Variants in GPR55 observed in about 807,000 individuals in gnomAD.
The protein encoded by GPR55 is G protein-coupled receptor 55.
In GPR55, 6 loss-of-function variants were observed where a neutral mutation model predicts 7.9. That is an observed-to-expected ratio of 0.76 (90% CI 0.41 to 1.49). The LOEUF (loss-of-function observed/expected upper bound fraction) is 1.49. Among genes scored for constraint, GPR55 ranks in the 40% most tolerant of loss-of-function variants. GPR55 has a pLI of 0.01. For synonymous variants in GPR55, 183 were observed against 166.8 expected (o/e 1.10, Z -0.75); for missense variants, 376 against 406.0 (o/e 0.93, Z 0.63).
upstream of GPR55, chr2:230,928,524 G>A (rs1690979092): frequency 6.6e-6 from 1 of 152,202 alleles, no homozygotes; most frequent in Admixed American, 6.5e-5. Context: ...CAGTGGTGGT[G>A]AAGACAGATG....
In GPR55 at chr2:230,944,450, G is replaced by A. The variant is rs553998027; in HGVS notation, c.-135+16325C>T. 2.6e-4 allele frequency among the ~76,000 whole-genome samples: 39 copies of A among 152,176 alleles called. 1 individual carries two copies. The highest frequency in any genetic ancestry group is 4.6e-4 in the Non-Finnish European group (31 of 68,022). On this transcript the variant is annotated intron_variant, in intron 1 of 1. Coordinates refer to the GPR55 transcript ENST00000392039. This position sits in a 1 kb window ranked among gnomAD's most constrained non-coding sequence, Gnocchi z 4.2. Reference sequence around the variant, plus strand: ...GCCTGTGGAGGGAGGTGGAGGAGCCGTGGTTTCCAGTAACCATCGCTGGTT... The same window carrying A: ...GCCTGTGGAGGGAGGTGGAGGAGCCATGGTTTCCAGTAACCATCGCTGGTT...
At chr2:230,928,865 G>A (rs1690986678), upstream of GPR55, among the ~76,000 whole-genome samples, 3 of 152,126 alleles carry the variant, frequency 2.0e-5, no homozygotes, top group African/African-American at 7.2e-5. Context: ...AACCCTCCAG[G>A]TGCGGCCTGG....
chr2:230,911,605 T>C (rs1244113204), intron 1 of GPR55, among the ~76,000 whole-genome samples: 1 of 152,190 alleles, frequency 6.6e-6, no homozygotes, highest in Non-Finnish European at 1.5e-5. Flanking sequence ...AACACAACTT[T>C]TGCTTGGGTT....
chr2:230,922,306 T>C (rs3098323), intron 1 of GPR55, among the ~76,000 whole-genome samples: 3 of 151,816 alleles, frequency 2.0e-5, no homozygotes, highest in Non-Finnish European at 2.9e-5. Flanking sequence ...TGCTTGGGGG[T>C]TTCCGTCTCA....
chr2:230,916,133 G>A (rs1690708452), intron 1 of GPR55, among the ~76,000 whole-genome samples: 1 of 151,998 alleles, frequency 6.6e-6, no homozygotes, highest in Non-Finnish European at 1.5e-5. Flanking sequence ...CAGCACTTTG[G>A]GAGGCCAAGG....
At chr2:230,943,106 A>AAGAG (rs1213037596) in intron 1 of GPR55, among the ~76,000 whole-genome samples, 5 of 142,860 alleles carry the variant, frequency 3.5e-5, no homozygotes. Flanking sequence ...AGAGGAGAGA[A>AAGAG]AGAGAGAGAG....
chr2:230,936,404 G>T (rs1227043610), intron 1 of GPR55, among the ~76,000 whole-genome samples: 1 of 152,196 alleles, frequency 6.6e-6, no homozygotes, highest in East Asian at 1.9e-4. Flanking sequence ...CATGAGATCT[G>T]ATGGTTTTAT....
intron 1 of GPR55, among the ~76,000 whole-genome samples, chr2:230,948,297 C>T (rs73995421): frequency 0.33 from 49,555 of 151,728 alleles, 8,399 homozygotes; most frequent in East Asian, 0.48. Flanking sequence ...GCCTCCCCCA[C>T]TCCTTCCTCC....
Position 230,923,228 on chromosome 2 carries a change from C to A in GPR55, c.-135+1940G>T, listed in dbSNP as rs1690877502. Among the ~76,000 whole-genome samples the A allele has an allele frequency of 6.6e-6, 1 of 152,208 alleles. No individual in the cohort carries two copies. The highest frequency in any genetic ancestry group is 2.4e-5 in the African/African-American group (1 of 41,448). ...TGTGGCCTGGACTTTCCAGAGAACA[C>A]AAGCAACAAGAAGATCACAACCCTA... On this transcript the variant is annotated intron_variant, in intron 1 of 1. Transcript: ENST00000650999. The surrounding 1 kb of genome is among the most constrained non-coding windows in gnomAD (Gnocchi z 4.1).
Position 230,924,005 on chromosome 2 carries a change from C to T in GPR55, c.-135+1163G>A, listed in dbSNP as rs1409468794. Among the ~76,000 whole-genome samples, 2 of 152,076 alleles carry T rather than the reference C, an allele frequency of 1.3e-5. No homozygotes were observed. Among genetic ancestry groups the T allele is most frequent in the Non-Finnish European group, 2.9e-5 (2 of 68,016 alleles). On this transcript the variant is annotated intron_variant, in intron 1 of 1. Coordinates refer to ENST00000650999, the MANE Select transcript of GPR55 (RefSeq NM_005683.4). This position sits in a 1 kb window ranked among gnomAD's most constrained non-coding sequence, Gnocchi z 4.5. ...GAAATGCCCACTTCCCAGGTTCACC[C>T]ACATCATCTGATGTGGTTTTCCCAG...
At chr2:230,956,093 G>A (rs1691478585) in intron 1 of GPR55, among the ~76,000 whole-genome samples, 1 of 152,064 alleles carries the variant, frequency 6.6e-6, no homozygotes. Flanking sequence ...CTAGGACAGT[G>A]GGAGGTCTTG....
Position 230,908,453 on chromosome 2 carries a change from A to C in GPR55, c.*1550T>G, listed in dbSNP as rs548138548. 1 of 152,622 alleles carries C rather than the reference A, an allele frequency of 6.6e-6. No homozygotes were observed. The highest frequency in any genetic ancestry group is 2.1e-4 in the South Asian group (1 of 4,806). 9.5% of individuals were successfully genotyped at this position (152,622 alleles called of 1,614,324 possible). ...AGCAGCTCAGCCAGGTTCCCCACCC[A>C]CCCTGCACTCCCTGCAGGCTTCAAG... On this transcript the variant is annotated 3_prime_UTR_variant, in exon 2 of 2. Coordinates refer to ENST00000650999, the MANE Select transcript of GPR55 (RefSeq NM_005683.4).
At chr2:230,947,722 G>A (rs1574635033) in intron 1 of GPR55, among the ~76,000 whole-genome samples, 2 of 151,904 alleles carry the variant, frequency 1.3e-5, no homozygotes, top group African/African-American at 4.8e-5. Flanking sequence ...GGATGGTCTC[G>A]AACTCCTGGG....
intron 1 of GPR55, among the ~76,000 whole-genome samples, chr2:230,921,692 C>T (rs1160494382): frequency 1.3e-5 from 2 of 152,226 alleles, no homozygotes; most frequent in Non-Finnish European, 1.5e-5. Flanking sequence ...AAGGGAGAAA[C>T]GAGGTGAGCC....
chr2:230,953,282 G>A (rs951602393), intron 1 of GPR55, among the ~76,000 whole-genome samples: 1 of 152,186 alleles, frequency 6.6e-6, no homozygotes, highest in Non-Finnish European at 1.5e-5. Flanking sequence ...GGCAAATTAA[G>A]GTTGTCAATG....
intron 1 of GPR55, among the ~76,000 whole-genome samples, chr2:230,935,451 G>C (rs1188544661): frequency 6.6e-6 from 1 of 152,170 alleles, no homozygotes; most frequent in Non-Finnish European, 1.5e-5. Flanking sequence ...CTGTAAAAGG[G>C]GTTTTGCCCA....
At position 230,944,315 on chromosome 2, in the gene GPR55, C is replaced by T. The variant is rs867920705; in HGVS notation, c.-135+16460G>A. ...TTCCATGAGCTTGATGACCCAGAAG[C>T]TATGGTCCTGCACACGTGAGTCTGT... On this transcript the variant is annotated intron_variant, in intron 1 of 1. Transcript: ENST00000392039. The surrounding 1 kb of genome is among the most constrained non-coding windows in gnomAD (Gnocchi z 4.2). Among the ~76,000 whole-genome samples, 1 of 152,192 alleles carries T rather than the reference C, an allele frequency of 6.6e-6. No individual in the cohort carries two copies. Among genetic ancestry groups the T allele is most frequent in the African/African-American group, 2.4e-5 (1 of 41,452 alleles).
Position 230,960,705 on chromosome 2 carries a change from T to C in GPR55, c.-135+70A>G, listed in dbSNP as rs562990099. 3.3e-5 allele frequency: 5 copies of C among 152,284 alleles called. No individual in the cohort carries two copies. The East Asian group carries it at 5.8e-4, about 18-fold the overall frequency. 9.4% of individuals were successfully genotyped at this position (152,284 alleles called of 1,614,324 possible). On this transcript the variant is annotated intron_variant, in intron 1 of 1. Coordinates refer to the GPR55 transcript ENST00000392039. ...AACTTTTCTTAGATTCTGCAGAGAA[T>C]GGTAGTCACAGGCAAAGCACCCACC... is the stretch of plus-strand genomic sequence containing the variant.
intron 1 of GPR55, among the ~76,000 whole-genome samples, chr2:230,912,093 C>T (rs1690605760): frequency 6.6e-6 from 1 of 152,198 alleles, no homozygotes; most frequent in Non-Finnish European, 1.5e-5. Context: ...CCACTCTTCC[C>T]TCTCCCCACA....
Sources: allele counts gnomAD v4.1 joint callset (sites outside exome capture counted in the v4.1 genomes callset), GRCh38; gene constraint gnomAD v4.1.1; non-coding constraint Gnocchi (gnomAD v3.1); transcripts MANE v1.5; gene names NCBI Gene and HGNC (gene_info 2026-07-23, HGNC 2026-07-21).